The following NEGR1 variants were observed in gnomAD, a reference collection of about 807,000 sequenced individuals.
NEGR1 encodes the protein neuronal growth regulator 1.
Under a neutral mutation model 40.9 loss-of-function variants are expected in NEGR1, and 10 were observed. That is an observed-to-expected ratio of 0.24 (90% CI 0.15 to 0.42). NEGR1 has a LOEUF of 0.42. Among genes scored for constraint, NEGR1 ranks in the 10% least tolerant of loss-of-function variants. The probability of loss-of-function intolerance (pLI) is 1.00; values close to 1 mark genes in which losing one functional copy is unlikely to be tolerated. For missense variants in NEGR1, 352 were observed against 438.9 expected, an observed-to-expected ratio of 0.80 and a Z score of 1.77; for synonymous variants, 185 against 166.8, an observed-to-expected ratio of 1.11 and a Z score of -0.84.
At chr1:71,995,066 C>G (rs2100366933) in intron 1 of NEGR1, among the ~76,000 whole-genome samples, 1 of 147,592 alleles carries the variant, frequency 6.8e-6, no homozygotes, top group East Asian at 2.1e-4. Flanking sequence ...TGAAAGAACA[C>G]TATTTAAGAT....
At chr1:71,465,971 G>T (rs1646742821) in intron 6 of NEGR1, among the ~76,000 whole-genome samples, 1 of 152,018 alleles carries the variant, frequency 6.6e-6, no homozygotes, top group Admixed American at 6.6e-5. Flanking sequence ...TGTTAGAGAT[G>T]AGCATTTTAT....
intron 4 of NEGR1, among the ~76,000 whole-genome samples, chr1:71,672,567 T>C (rs886503832): frequency 4.6e-5 from 7 of 152,152 alleles, no homozygotes; most frequent in Admixed American, 6.6e-5. Flanking sequence ...GCAGGGTCAA[T>C]TAATCAGTGT....
chr1:71,490,708 G>A (rs1404451235), intron 6 of NEGR1, among the ~76,000 whole-genome samples: 3 of 151,934 alleles, frequency 2.0e-5, no homozygotes, highest in African/African-American at 4.8e-5. Flanking sequence ...CTGATGAAAC[G>A]AAACACAGAA....
chr1:71,842,930 G>C (rs1659292111), intron 2 of NEGR1, among the ~76,000 whole-genome samples: 1 of 152,066 alleles, frequency 6.6e-6, no homozygotes, highest in Non-Finnish European at 1.5e-5. Flanking sequence ...ATTATCATTG[G>C]GGAGATAGAG....
chr1:72,071,995 A>G (rs1030115911), intron 1 of NEGR1, among the ~76,000 whole-genome samples: 4 of 152,206 alleles, frequency 2.6e-5, no homozygotes, highest in Non-Finnish European at 5.9e-5. Flanking sequence ...ATTTCTTGTC[A>G]GTCACTTATG....
intron 1 of NEGR1, among the ~76,000 whole-genome samples, chr1:72,250,487 A>G (rs1279602178): frequency 2.0e-5 from 3 of 152,230 alleles, no homozygotes; most frequent in Non-Finnish European, 4.4e-5. Flanking sequence ...GGAACAAACA[A>G]TGAAATAGTT....
chr1:72,068,836 A>C (rs1647346623), intron 1 of NEGR1, among the ~76,000 whole-genome samples: 1 of 152,162 alleles, frequency 6.6e-6, no homozygotes, highest in Non-Finnish European at 1.5e-5. Flanking sequence ...TTCTAGATGT[A>C]AGGATATAGT....
intron 6 of NEGR1, among the ~76,000 whole-genome samples, chr1:71,454,215 G>A (rs188376732): frequency 6.6e-6 from 1 of 152,258 alleles, no homozygotes; most frequent in African/African-American, 2.4e-5. Flanking sequence ...CTAACTTGAA[G>A]CATTTCCTGT....
chr1:72,139,086 A>G (rs1446498033), intron 1 of NEGR1, among the ~76,000 whole-genome samples: 2 of 113,654 alleles, frequency 1.8e-5, no homozygotes, highest in Admixed American at 1.1e-4. Context: ...ACATATCTAA[A>G]TAGCTCATGA....
intron 1 of NEGR1, among the ~76,000 whole-genome samples, chr1:72,036,501 C>G (rs3102919): frequency 0.25 from 37,658 of 151,324 alleles, 6,622 homozygotes; most frequent in African/African-American, 0.5. Context: ...ACTAAAAATA[C>G]AAAAATTAGC....
At chr1:72,210,534 G>C (rs1346172742) in intron 1 of NEGR1, among the ~76,000 whole-genome samples, 5 of 151,834 alleles carry the variant, frequency 3.3e-5, no homozygotes, top group Non-Finnish European at 5.9e-5. Context: ...GCAGGCATTT[G>C]GCAGACATTT....
intron 3 of NEGR1, among the ~76,000 whole-genome samples, chr1:71,719,251 C>G (rs1366730681): frequency 2.0e-5 from 3 of 152,126 alleles, no homozygotes; most frequent in Non-Finnish European, 2.9e-5. Flanking sequence ...CTTGCTACAG[C>G]TGATAACAGA....
At chr1:72,196,669 A>AGGC (rs58654508) in intron 1 of NEGR1, among the ~76,000 whole-genome samples, 8 of 150,972 alleles carry the variant, frequency 5.3e-5, no homozygotes, top group African/African-American at 2.0e-4. Context: ...ACAAGTGATC[A>AGGC]AGGATGATCA....
At chr1:71,635,882 T>A (rs918562708) in intron 4 of NEGR1, among the ~76,000 whole-genome samples, 1 of 152,028 alleles carries the variant, frequency 6.6e-6, no homozygotes, top group African/African-American at 2.4e-5. Context: ...TAAGAATGCT[T>A]CATATTGTGT....
intron 6 of NEGR1, among the ~76,000 whole-genome samples, chr1:71,443,776 T>C (rs937102046): frequency 3.3e-5 from 5 of 152,234 alleles, no homozygotes; most frequent in Non-Finnish European, 7.3e-5. Context: ...TAGTTTTTTC[T>C]AATAAACATA....
chr1:71,824,327 T>C (rs976659056), intron 2 of NEGR1, among the ~76,000 whole-genome samples: 2 of 151,222 alleles, frequency 1.3e-5, no homozygotes, highest in Non-Finnish European at 2.9e-5. Flanking sequence ...GCTAAATATA[T>C]AAATACATTG....
intron 2 of NEGR1, among the ~76,000 whole-genome samples, chr1:71,797,027 T>C (rs186597597): frequency 6.6e-6 from 1 of 152,092 alleles, no homozygotes; most frequent in Admixed American, 6.6e-5. Context: ...AGAGACAGGA[T>C]TTGTATCATT....
chr1:71,867,616 A>C (rs1171988393), intron 2 of NEGR1, among the ~76,000 whole-genome samples: 1 of 152,178 alleles, frequency 6.6e-6, no homozygotes, highest in Non-Finnish European at 1.5e-5. Flanking sequence ...TTATGATTAG[A>C]ATTGCCGTAC....
intron 1 of NEGR1, among the ~76,000 whole-genome samples, chr1:72,176,332 C>A (rs1040589781): frequency 1.3e-5 from 2 of 152,020 alleles, no homozygotes; most frequent in African/African-American, 4.8e-5. Flanking sequence ...TTGTTCAAAG[C>A]ATTCATAGAC....
Sources: allele counts gnomAD v4.1 joint callset (sites outside exome capture counted in the v4.1 genomes callset), GRCh38; gene constraint gnomAD v4.1.1; transcripts MANE v1.5; gene names NCBI Gene and HGNC (gene_info 2026-07-23, HGNC 2026-07-21).